The following SPECC1 variants were observed in gnomAD, a reference collection of about 807,000 sequenced individuals.
SPECC1 encodes cytospin-B.
In SPECC1, 62 loss-of-function variants were observed where a neutral mutation model predicts 104.1. The observed-to-expected ratio is 0.60, with a 90% CI of 0.49 to 0.74. SPECC1 has a LOEUF of 0.74. Ranked by LOEUF, SPECC1 falls within the 30% of genes least tolerant of loss-of-function variation. The pLI, the probability that SPECC1 is intolerant of heterozygous loss-of-function variation, is 0.00. For missense variants in SPECC1, 1,306 were observed against 1,310.5 expected (o/e 1.00, Z 0.05); for synonymous variants, 513 against 501.6 (o/e 1.02, Z -0.30).
chr17:20,187,961 G>A (rs760635149), intron 3 of SPECC1, among the ~76,000 whole-genome samples: 24 of 152,184 alleles, frequency 1.6e-4, no homozygotes, highest in Non-Finnish European at 2.9e-4. Flanking sequence ...GTTCCAGAGT[G>A]TTTCAGAACT....
At chr17:20,286,687 C>T (rs1017414600) in intron 12 of SPECC1, among the ~76,000 whole-genome samples, 5 of 152,224 alleles carry the variant, frequency 3.3e-5, no homozygotes, top group Non-Finnish European at 7.3e-5. Flanking sequence ...TATATTGGCC[C>T]TGCCCACACG....
chr17:20,239,634 A>G (rs1490919546), intron 7 of SPECC1, among the ~76,000 whole-genome samples: 1 of 151,912 alleles, frequency 6.6e-6, no homozygotes, highest in Non-Finnish European at 1.5e-5. Context: ...ATATAGTCCT[A>G]TGTAGTTGTG....
chr17:20,233,007 C>A (rs2038695045), intron 7 of SPECC1, among the ~76,000 whole-genome samples: 1 of 152,210 alleles, frequency 6.6e-6, no homozygotes, highest in African/African-American at 2.4e-5. Flanking sequence ...GCCCAGGGAG[C>A]TCTACTAACA....
At chr17:20,151,056 T>TA (rs2031961968) in intron 3 of SPECC1, among the ~76,000 whole-genome samples, 1 of 152,176 alleles carries the variant, frequency 6.6e-6, no homozygotes, top group Non-Finnish European at 1.5e-5. Flanking sequence ...ATAGGTGAAG[T>TA]AAAAAATATG....
At chr17:20,082,980 TC>T (rs1404137714) in intron 1 of SPECC1, among the ~76,000 whole-genome samples, 1 of 151,458 alleles carries the variant, frequency 6.6e-6, no homozygotes, top group African/African-American at 2.4e-5. Context: ...GTTCGTTCGT[TC>T]GTTCGTTCGT....
At chr17:20,159,253 G>A (rs1567887606) in intron 3 of SPECC1, among the ~76,000 whole-genome samples, 1 of 152,184 alleles carries the variant, frequency 6.6e-6, no homozygotes, top group African/African-American at 2.4e-5. Flanking sequence ...CGTAGAGATG[G>A]GATCTTGCCA....
chr17:20,253,729 C>G, intron 10 of SPECC1, 143 bp downstream of exon 10: 1 of 769,574 alleles, frequency 1.3e-6, no homozygotes. Flanking sequence ...ATGTACATAT[C>G]ATGAATGTTA....
chr17:20,017,337 A>G (rs1201864780), intron 1 of SPECC1: 1 of 152,526 alleles, frequency 6.6e-6, no homozygotes, highest in African/African-American at 2.4e-5. Context: ...ACAACTCTAG[A>G]TGCGCCCCCT....
chr17:20,309,377 T>C (rs1467416629), intron 14 of SPECC1, among the ~76,000 whole-genome samples: 4 of 152,238 alleles, frequency 2.6e-5, no homozygotes, highest in African/African-American at 4.8e-5. Context: ...GTATAACATA[T>C]TAGGATGAGA....
chr17:20,194,502 A>ATTATTATTTTTTTTTTTT lies in SPECC1; in HGVS notation c.284-9829_284-9828insATTATTTTTTTTTTTTTT. Among the ~76,000 whole-genome samples the ATTATTATTTTTTTTTTTT allele has an allele frequency of 1.0e-4, 9 of 86,534 alleles. 1 individual carries two copies. Among genetic ancestry groups the ATTATTATTTTTTTTTTTT allele is most frequent in the East Asian group, 3.9e-4 (1 of 2,566 alleles). The allele number at this position is 86,534 out of a possible 152,430, so 56.8% of individuals were successfully genotyped here. A position where few individuals can be genotyped will look rare whatever the true frequency, so the allele number is the denominator to read the frequency against. ...TGTGTTCTGTTAGAAAAGAGAACGA[A>ATTATTATTTTTTTTTTTT]TTTTTTTTTTTTTTTTTTTTTTTGA... On this transcript the variant is annotated intron_variant, in intron 3 of 14. Coordinates refer to ENST00000395527, the MANE Select transcript of SPECC1 (RefSeq NM_001243439.2).
intron 7 of SPECC1, chr17:20,236,823 C>T (rs1489255407): frequency 6.2e-7 from 1 of 1,613,640 alleles, no homozygotes; most frequent in South Asian, 1.1e-5. Flanking sequence ...TTAGGTAACT[C>T]CTTTACAGCC....
chr17:20,057,450 A>AAAC (rs1210576821), intron 1 of SPECC1, among the ~76,000 whole-genome samples: 6 of 152,044 alleles, frequency 3.9e-5, no homozygotes, highest in Middle Eastern at 3.2e-3. Context: ...CAAAACAAAC[A>AAAC]AACAACAACA....
At chr17:20,244,856 TG>T (rs2039353588) in intron 7 of SPECC1, among the ~76,000 whole-genome samples, 1 of 152,226 alleles carries the variant, frequency 6.6e-6, no homozygotes, top group Admixed American at 6.5e-5. Flanking sequence ...ATGAGAAGGT[TG>T]GGAGTTCTTG....
At chr17:20,167,071 A>G (rs544852253) in intron 3 of SPECC1, among the ~76,000 whole-genome samples, 65 of 151,108 alleles carry the variant, frequency 4.3e-4, no homozygotes, top group Non-Finnish European at 6.6e-4. Context: ...AGTTTTAGTT[A>G]GACTCATCAA....
chr17:20,136,349 C>G (rs776078558), intron 3 of SPECC1, among the ~76,000 whole-genome samples: 1 of 150,938 alleles, frequency 6.6e-6, no homozygotes, highest in South Asian at 2.1e-4. Flanking sequence ...TGCTTGAACA[C>G]GGGAGGCGGA....
At chr17:20,229,989 G>T (rs774538662) in intron 5 of SPECC1, among the ~76,000 whole-genome samples, 1 of 152,194 alleles carries the variant, frequency 6.6e-6, no homozygotes, top group East Asian at 1.9e-4. Flanking sequence ...AACCTTGCAG[G>T]CAGGGGAGGT....
At chr17:20,138,113 T>TG (rs1381762046) in intron 3 of SPECC1, among the ~76,000 whole-genome samples, 1 of 152,064 alleles carries the variant, frequency 6.6e-6, no homozygotes, top group African/African-American at 2.4e-5. Flanking sequence ...GGACTACAGG[T>TG]GGGCACCTTC....
At chr17:20,113,918 G>A (rs1415197420) in intron 3 of SPECC1, among the ~76,000 whole-genome samples, 1 of 152,072 alleles carries the variant, frequency 6.6e-6, no homozygotes, top group African/African-American at 2.4e-5. Context: ...TTTACATAGG[G>A]CCATCTTAGA....
chr17:20,115,138 A>G (rs2048694037), intron 3 of SPECC1, among the ~76,000 whole-genome samples: 1 of 152,182 alleles, frequency 6.6e-6, no homozygotes, highest in Non-Finnish European at 1.5e-5. Flanking sequence ...AAGTGTGGAA[A>G]AGGAAAAAAA....
Sources: gnomAD v4.1 joint callset for allele counts (sites outside exome capture counted in the v4.1 genomes callset) on GRCh38, gnomAD v4.1.1 for gene constraint, MANE v1.5 for transcripts, NCBI Gene and HGNC (gene_info 2026-07-23, HGNC 2026-07-21) for gene names.